The following CDH23 variants were observed in gnomAD, a reference collection of about 807,000 sequenced individuals.
The protein encoded by CDH23 is cadherin-23.
In CDH23, 189 loss-of-function variants were observed where a neutral mutation model predicts 317.1. That is an observed-to-expected ratio of 0.60 (90% confidence interval 0.53 to 0.67). The LOEUF (loss-of-function observed/expected upper bound fraction) is 0.67, where lower values mean the gene tolerates loss of function less well. Ranked by LOEUF, CDH23 falls within the 30% of genes least tolerant of loss-of-function variation. The probability of loss-of-function intolerance (pLI) is 0.00; values close to 1 mark genes in which losing one functional copy is unlikely to be tolerated. For missense variants in CDH23, 4,401 were observed against 4,592.4 expected, an observed-to-expected ratio of 0.96 and a Z score of 1.20; for synonymous variants, 1,839 against 1,876.8, an observed-to-expected ratio of 0.98 and a Z score of 0.52.
At chr10:71,640,907 C>T (rs1441203884) in intron 11 of CDH23, among the ~76,000 whole-genome samples, 1 of 152,190 alleles carries the variant, frequency 6.6e-6, no homozygotes, top group East Asian at 1.9e-4. Context: ...CTTGGAGAAC[C>T]ACTGTTTTAC....
At chr10:71,577,438 T>C (rs1338446255) in intron 8 of CDH23, among the ~76,000 whole-genome samples, 2 of 151,734 alleles carry the variant, frequency 1.3e-5, no homozygotes, top group Admixed American at 6.6e-5. Flanking sequence ...ATCCCTAAAG[T>C]AGTTGAGCCA....
In CDH23 at chr10:71,431,222, G is replaced by A. The variant is rs369449433; in HGVS notation, c.-5-8605G>A. Among the ~76,000 whole-genome samples, 64 of 152,354 alleles carry A rather than the reference G, an allele frequency of 4.2e-4. 2 individuals carry two copies. Among genetic ancestry groups the A allele is most frequent in the African/African-American group, 1.5e-3 (62 of 41,576 alleles). ...CTGTATGATATTTTTAAGAGTCGGT[G>A]AGGGGAACTCAGAGACACCAGGCTT... On this transcript the variant is annotated intron_variant, in intron 1 of 69. Transcript: ENST00000224721.
chr10:71,781,304 G>T (rs761663733), intron 41 of CDH23, among the ~76,000 whole-genome samples: 1 of 152,192 alleles, frequency 6.6e-6, no homozygotes, highest in Non-Finnish European at 1.5e-5. Context: ...CACTCTGTTC[G>T]GACATGCTAC....
intron 28 of CDH23, among the ~76,000 whole-genome samples, chr10:71,720,546 A>G (rs1866509408): frequency 6.6e-6 from 1 of 152,102 alleles, no homozygotes; most frequent in East Asian, 1.9e-4. Flanking sequence ...CTTCCCCACC[A>G]GGGACCTCCA....
intron 6 of CDH23, among the ~76,000 whole-genome samples, chr10:71,549,780 G>C (rs1019147021): frequency 6.6e-6 from 1 of 152,208 alleles, no homozygotes; most frequent in South Asian, 2.1e-4. Flanking sequence ...TACTGCCCCA[G>C]AGAAGCGAAA....
chr10:71,502,285 G>T (rs1301363984), intron 3 of CDH23, among the ~76,000 whole-genome samples: 1 of 152,220 alleles, frequency 6.6e-6, no homozygotes, highest in South Asian at 2.1e-4. Context: ...GGTTGCAAAA[G>T]CCTTGCTTTC....
chr10:71,722,109 A>G (rs1001256821), intron 28 of CDH23, among the ~76,000 whole-genome samples: 1 of 152,170 alleles, frequency 6.6e-6, no homozygotes, highest in Admixed American at 6.5e-5. Context: ...AGCCTACATT[A>G]GGGCTTCGGG....
chr10:71,401,037 T>C (rs904096295), intron 1 of CDH23, among the ~76,000 whole-genome samples: 8 of 152,186 alleles, frequency 5.3e-5, no homozygotes, highest in African/African-American at 9.7e-5. Flanking sequence ...TGTTTGTCCA[T>C]GAATAGATGA....
At chr10:71,634,655 T>C (rs10740386) in intron 11 of CDH23, among the ~76,000 whole-genome samples, 140,684 of 152,368 alleles carry the variant, frequency 0.92, 65,055 homozygotes, top group East Asian at 1. Flanking sequence ...TGGCCTGGCT[T>C]CCCTGGGATC....
At position 71,740,780 on chromosome 10, in the gene CDH23, G is replaced by T. The variant is rs779829150; in HGVS notation, c.4489-42G>T. 1.9e-6 allele frequency: 3 copies of T among 1,612,042 alleles called. No homozygotes were observed. The South Asian group carries it at 3.3e-5, about 18-fold the overall frequency. On this transcript the variant is annotated intron_variant, in intron 36 of 69. Transcript: ENST00000224721. ...GGACTCCATATTCCCAATCCTGCCC[G>T]CCACGCTTTAGCCCTGACTCCAGTT...
rs546612668 is a variant in CDH23, at chr10:71,750,846, G to A, written c.4845+8925G>A. 2.9e-3 allele frequency: 480 copies of A among 168,270 alleles called. 2 individuals are homozygous for A. Among genetic ancestry groups the A allele is most frequent in the Non-Finnish European group, 4.2e-3 (327 of 78,554 alleles). 10.4% of individuals were successfully genotyped at this position (168,270 alleles called of 1,614,324 possible). Reference sequence around the variant, plus strand: ...GCCACGGGGGAGAAGTCTCTCCACCGTGCCCTGTGTCTGGTGCCTGGGAGG... The same window carrying A: ...GCCACGGGGGAGAAGTCTCTCCACCATGCCCTGTGTCTGGTGCCTGGGAGG... On this transcript the variant is annotated intron_variant, in intron 38 of 69. Transcript: ENST00000224721.
intron 1 of CDH23, among the ~76,000 whole-genome samples, chr10:71,418,959 G>A (rs1329953024): frequency 6.6e-6 from 1 of 152,176 alleles, no homozygotes; most frequent in African/African-American, 2.4e-5. Flanking sequence ...CACAATGTTT[G>A]CATGTAGTAT....
Position 71,753,445 on chromosome 10 carries a change from G to A in CDH23, c.4845+11524G>A, listed in dbSNP as rs148115698. 3.9e-5 allele frequency among the ~76,000 whole-genome samples: 6 copies of A among 152,326 alleles called. No homozygotes were observed. The East Asian group carries it at 1.2e-3, about 29-fold the overall frequency. On this transcript the variant is annotated intron_variant, in intron 38 of 69. Transcript: ENST00000224721. ...TTTAGCCATGACTTACTGGGTGGGA[G>A]TGTTTAAGGTCAGTTCCTAATTAGA...
chr10:71,443,998 A>G (rs919610528), intron 2 of CDH23, among the ~76,000 whole-genome samples: 2 of 152,200 alleles, frequency 1.3e-5, no homozygotes, highest in African/African-American at 4.8e-5. Context: ...GAACGATGCC[A>G]CTGCAGGTGA....
intron 6 of CDH23, among the ~76,000 whole-genome samples, chr10:71,521,938 A>G (rs1854714253): frequency 6.6e-6 from 1 of 152,094 alleles, no homozygotes; most frequent in Admixed American, 6.5e-5. Context: ...CTGCCTGTGC[A>G]CAGTAAGACA....
chr10:71,675,251 A>C, intron 15 of CDH23, 75 bp downstream of exon 15: 1 of 1,290,284 alleles, frequency 7.8e-7, no homozygotes, highest in Non-Finnish European at 1.1e-6. Flanking sequence ...GAGATCTGGG[A>C]ACTTTTCAGT....
rs1009393984 is a variant in CDH23, at chr10:71,790,921, G to A, written c.6050-211G>A. 8 of 596,046 alleles carry A rather than the reference G, an allele frequency of 1.3e-5. No homozygotes were observed. The African/African-American group carries it at 1.5e-4, about 11-fold the overall frequency. 36.9% of individuals were successfully genotyped at this position (596,046 alleles called of 1,614,324 possible). A position where few individuals can be genotyped will look rare whatever the true frequency, so the allele number is the denominator to read the frequency against. ...GACAGCAGAGGGCACCTGCAGAGGGGACAACCACAGGAAATGCATGGGGCC... is the reference window on the plus strand; with the variant it reads ...GACAGCAGAGGGCACCTGCAGAGGGAACAACCACAGGAAATGCATGGGGCC... On this transcript the variant is annotated intron_variant, in intron 46 of 69. Transcript: ENST00000224721.
At chr10:71,423,628 G>A (rs535445511) in intron 1 of CDH23, among the ~76,000 whole-genome samples, 7 of 152,272 alleles carry the variant, frequency 4.6e-5, no homozygotes, top group Non-Finnish European at 8.8e-5. Flanking sequence ...GGCAGGAGGT[G>A]ACAGCTTTAG....
chr10:71,566,954 G>T lies in CDH23; in HGVS notation c.624+18G>T, dbSNP rs761870965. 1.2e-6 allele frequency: 2 copies of T among 1,606,100 alleles called. No individual in the cohort carries two copies. The highest frequency in any genetic ancestry group is 1.7e-6 in the Non-Finnish European group (2 of 1,178,220). On this transcript the variant is annotated intron_variant, in intron 7 of 69. Transcript: ENST00000224721. ...ACGCCACAGTGAGTCTCCATGCTGG[G>T]GCCCCGGCCGTCCCAGCTGCCTCTT...
Sources: gnomAD v4.1 joint callset for allele counts (sites outside exome capture counted in the v4.1 genomes callset) on GRCh38, gnomAD v4.1.1 for gene constraint, MANE v1.5 for transcripts, NCBI Gene and HGNC (gene_info 2026-07-23, HGNC 2026-07-21) for gene names.